Variants in MARCOL observed in about 807,000 individuals in gnomAD.
MARCOL encodes MARCO like.
chr5:148,240,056 A>T (rs1038157453), intron 1 of MARCOL, among the ~76,000 whole-genome samples: 2 of 151,948 alleles, frequency 1.3e-5, no homozygotes, highest in Admixed American at 1.3e-4. Flanking sequence ...TTATTACTCC[A>T]AAATTCACCC....
Position 148,242,942 on chromosome 5 carries a change from GA to G in MARCOL, c.549del (p.Asn185IlefsTer2), listed in dbSNP as rs1755984174. 2.0e-5 allele frequency: 8 copies of G among 398,536 alleles called. No individual in the cohort carries two copies. The highest frequency in any genetic ancestry group is 3.5e-5 in the Non-Finnish European group (8 of 226,134). The allele number at this position is 398,536 out of a possible 1,614,324, so 24.7% of individuals were successfully genotyped here. On this transcript the variant is annotated frameshift_variant, in exon 2 of 2. Coordinates refer to ENST00000638089, the MANE Select transcript of MARCOL (RefSeq NM_001363511.2). LOFTEE classifies it low-confidence loss of function (END_TRUNC). ...ACGGGAATCTAGGGTCATCAACCCA[GA>G]AAGGGAATTTAGGATCTTCTAGCCT... ...QHGNLGSSTQ[K>X]GNLGSSSLQG...
intron 1 of MARCOL, among the ~76,000 whole-genome samples, chr5:148,241,159 A>ACT (rs1755960257): frequency 1.3e-5 from 2 of 151,584 alleles, no homozygotes; most frequent in South Asian, 2.1e-4. Context: ...CAGGTTGCTA[A>ACT]GCTTCTGTGT....
intron 1 of MARCOL, among the ~76,000 whole-genome samples, chr5:148,239,921 G>A (rs749075313): frequency 6.6e-6 from 1 of 151,716 alleles, no homozygotes; most frequent in Non-Finnish European, 1.5e-5. Context: ...GCAATACTAA[G>A]CGCATCCTAG....
intron 1 of MARCOL, among the ~76,000 whole-genome samples, chr5:148,240,685 C>T (rs1755953813): frequency 6.6e-6 from 1 of 151,954 alleles, no homozygotes; most frequent in Admixed American, 6.6e-5. Flanking sequence ...TTCCACATAT[C>T]TACTTTAATT....
At chr5:148,239,337 T>C (rs1286034249) in intron 1 of MARCOL, among the ~76,000 whole-genome samples, 5 of 152,012 alleles carry the variant, frequency 3.3e-5, no homozygotes, top group African/African-American at 7.2e-5. Flanking sequence ...AAAATTATAA[T>C]AATGAAACTG....
At position 148,243,365 on chromosome 5, in the gene MARCOL, A is replaced by G. The variant is rs1358233557; in HGVS notation, c.*111A>G. The G allele has an allele frequency of 2.5e-6, 1 of 393,724 alleles. No individual in the cohort carries two copies. Among genetic ancestry groups the G allele is most frequent in the African/African-American group, 2.1e-5 (1 of 48,222 alleles). 24.4% of individuals were successfully genotyped at this position (393,724 alleles called of 1,614,324 possible). A position where few individuals can be genotyped will look rare whatever the true frequency, so the allele number is the denominator to read the frequency against. On this transcript the variant is annotated 3_prime_UTR_variant, in exon 2 of 2. Transcript: ENST00000638089. The stretch of plus-strand genomic sequence containing the variant: ...CTAGCTATCAAGGGAAGCCAGTGTC[A>G]TCTAGCCAACAAGGGAAGCCAGTGT...
At chr5:148,241,109 C>T (rs1561741795) in intron 1 of MARCOL, among the ~76,000 whole-genome samples, 1 of 150,174 alleles carries the variant, frequency 6.7e-6, no homozygotes, top group African/African-American at 2.4e-5. Context: ...CTAAGTTATA[C>T]TCACAATCCA....
chr5:148,240,277 G>C (rs10058023), intron 1 of MARCOL, among the ~76,000 whole-genome samples: 1 of 151,758 alleles, frequency 6.6e-6, no homozygotes, highest in Non-Finnish European at 1.5e-5. Flanking sequence ...TATGTATTGA[G>C]GTAGTGAAAT....
intron 1 of MARCOL, among the ~76,000 whole-genome samples, chr5:148,242,064 A>T (rs1755971940): frequency 6.6e-6 from 1 of 152,172 alleles, no homozygotes; most frequent in Non-Finnish European, 1.5e-5. Flanking sequence ...CTGGAAAATT[A>T]GGACTAAAGT....
intron 1 of MARCOL, among the ~76,000 whole-genome samples, chr5:148,241,671 A>T (rs142095924): frequency 1.3e-5 from 2 of 152,236 alleles, no homozygotes; most frequent in African/African-American, 4.8e-5. Flanking sequence ...ACATATACAC[A>T]TACACACAAT....
At chr5:148,238,994 C>T (rs766124483) in intron 1 of MARCOL, among the ~76,000 whole-genome samples, 2 of 151,996 alleles carry the variant, frequency 1.3e-5, no homozygotes, top group Non-Finnish European at 2.9e-5. Context: ...TGATATGATC[C>T]TGGACTACAT....
chr5:148,240,127 C>T (rs1161222230), intron 1 of MARCOL, among the ~76,000 whole-genome samples: 1 of 151,764 alleles, frequency 6.6e-6, no homozygotes, highest in African/African-American at 2.4e-5. Context: ...TTAGGATTTT[C>T]ATTGATTCAT....
chr5:148,243,162 G>C lies in MARCOL; in HGVS notation c.766G>C (p.Gly256Arg). ...GAAGCCAGGGTCATCTAGCCAACAA[G>C]GAAATCTACATTTATCTAGCCAGCA... The part of the protein sequence containing the change: ...QGKPGSSSQQ[G>R]NLHLSSQQGN... The change falls in exon 2 of 2, where the codon GGA (glycine) becomes CGA (arginine). Residue 256 changes from glycine to arginine, a missense_variant. Physicochemically the swap from Gly to Arg is moderately radical, Grantham distance 125. Coordinates refer to ENST00000638089, the MANE Select transcript of MARCOL (RefSeq NM_001363511.2). 1 of 399,332 alleles carries C rather than the reference G, an allele frequency of 2.5e-6. No homozygotes were observed. The highest frequency in any genetic ancestry group is 4.4e-6 in the Non-Finnish European group (1 of 226,658). 24.7% of individuals were successfully genotyped at this position (399,332 alleles called of 1,614,324 possible).
At chr5:148,242,176 T>C (rs189511131) in intron 1 of MARCOL, among the ~76,000 whole-genome samples, 1 of 152,270 alleles carries the variant, frequency 6.6e-6, no homozygotes, top group East Asian at 1.9e-4. Context: ...AAGTCTCAAT[T>C]CAAATAATTC....
Position 148,243,293 on chromosome 5 carries a change from A to G in MARCOL, c.*39A>G. 1 of 398,108 alleles carries G rather than the reference A, an allele frequency of 2.5e-6. No individual in the cohort carries two copies. 24.7% of individuals were successfully genotyped at this position (398,108 alleles called of 1,614,324 possible). On this transcript the variant is annotated 3_prime_UTR_variant, in exon 2 of 2. Coordinates refer to ENST00000638089, the MANE Select transcript of MARCOL (RefSeq NM_001363511.2). ...AAGGGAATATAGGATCTCCTAGCCA[A>G]CAGGAGAAGCCAGAGTCTTCTAGCC...
chr5:148,242,373 A>G lies in MARCOL; in HGVS notation c.50-73A>G, dbSNP rs147756076. 1,029 of 396,210 alleles carry G rather than the reference A, an allele frequency of 2.6e-3. 4 individuals are homozygous for G. Among genetic ancestry groups the G allele is most frequent in the African/African-American group, 0.016 (787 of 48,638 alleles). The allele number at this position is 396,210 out of a possible 1,614,324, so 24.5% of individuals were successfully genotyped here. On this transcript the variant is annotated intron_variant, in intron 1 of 1. Coordinates refer to ENST00000638089, the MANE Select transcript of MARCOL (RefSeq NM_001363511.2). The stretch of plus-strand genomic sequence containing the variant: ...TAAAAACATACTATATCTTGGACAA[A>G]TGTTGTTGATTTAAAATTATTTAAT...
chr5:148,242,327 GT>G (rs1261362003), intron 1 of MARCOL, 118 bp from the exon 2 acceptor site: 1 of 391,724 alleles, frequency 2.6e-6, no homozygotes, highest in Non-Finnish European at 4.5e-6. Flanking sequence ...TTGGGGCTTG[GT>G]TAAAAAATCA....
intron 1 of MARCOL, among the ~76,000 whole-genome samples, chr5:148,241,881 G>A (rs1755970113): frequency 6.6e-6 from 1 of 152,082 alleles, no homozygotes. Context: ...AAAGCTGATT[G>A]AAAGACACAT....
intron 1 of MARCOL, among the ~76,000 whole-genome samples, chr5:148,241,965 A>G (rs1185253720): frequency 6.6e-6 from 1 of 152,178 alleles, no homozygotes; most frequent in Non-Finnish European, 1.5e-5. Context: ...TAATATGTAT[A>G]GAGATGGAAG....
Sources: allele counts gnomAD v4.1 joint callset (sites outside exome capture counted in the v4.1 genomes callset), GRCh38; gene constraint gnomAD v4.1.1; transcripts MANE v1.5; gene names NCBI Gene and HGNC (gene_info 2026-07-23, HGNC 2026-07-21).